TBL1X: variants seen among roughly 807,000 people sequenced by gnomAD.
TBL1X encodes the protein F-box-like/WD repeat-containing protein TBL1X.
Under a neutral mutation model 50.7 loss-of-function variants are expected in TBL1X, and 10 were observed. The ratio of observed to expected loss-of-function variants is 0.20; its 90% CI spans 0.12 to 0.33. The LOEUF (loss-of-function observed/expected upper bound fraction) is 0.33, where lower values mean the gene tolerates loss of function less well. TBL1X is among the 10% of genes least tolerant of loss of function. The pLI is 1.00. For missense variants in TBL1X, 340 were observed against 504.4 expected, an observed-to-expected ratio of 0.67 and a Z score of 3.12; for synonymous variants, 190 against 214.7, an observed-to-expected ratio of 0.88 and a Z score of 1.01.
chrX:9,490,228 C>G (rs1324909162), intron 1 of TBL1X, among the ~76,000 whole-genome samples: 1 of 111,741 alleles, frequency 8.9e-6, no homozygotes, highest in Non-Finnish European at 1.9e-5. Flanking sequence ...ACCTCGGCCT[C>G]CCAAAGTGCA....
intron 14 of TBL1X, 39 bp from the exon 15 acceptor site, chrX:9,709,594 A>T: frequency 8.3e-7 from 1 of 1,202,945 alleles, no homozygotes; most frequent in Non-Finnish European, 1.1e-6. Context: ...CGGATGCAGG[A>T]ATGGCTTTTG....
chrX:9,512,159 G>A (rs756317730), intron 2 of TBL1X, among the ~76,000 whole-genome samples: 1 of 111,617 alleles, frequency 9.0e-6, no homozygotes, highest in Admixed American at 9.5e-5. Context: ...TTGGATTACA[G>A]GCATGAGTCA....
intron 15 of TBL1X, among the ~76,000 whole-genome samples, chrX:9,710,951 G>C (rs755531720): frequency 2.2e-4 from 25 of 112,093 alleles, no homozygotes; most frequent in South Asian, 1.1e-3. Flanking sequence ...TATTAATTTA[G>C]TTGGTAATAA....
chrX:9,644,867 A>G (rs2146591787), intron 3 of TBL1X: 1 of 111,686 alleles, frequency 9.0e-6, no homozygotes, highest in South Asian at 3.8e-4. Flanking sequence ...TATGTTGGCC[A>G]GTCTGGTCTC....
intron 2 of TBL1X, among the ~76,000 whole-genome samples, chrX:9,576,879 A>G (rs2082415421): frequency 9.1e-6 from 1 of 109,451 alleles, no homozygotes; most frequent in Non-Finnish European, 1.9e-5. Context: ...GTGCACCTGT[A>G]GTCTTAGCTA....
intron 5 of TBL1X, 143 bp from the exon 6 acceptor site, chrX:9,683,900 C>A: frequency 1.1e-6 from 1 of 919,222 alleles, no homozygotes; most frequent in Non-Finnish European, 1.6e-6. Flanking sequence ...AAATCAGAAG[C>A]ATCCCTGGGC....
chrX:9,691,764 A>G, intron 8 of TBL1X, 53 bp downstream of exon 8: 1 of 1,189,477 alleles, frequency 8.4e-7, no homozygotes, highest in East Asian at 3.0e-5. Context: ...GGGAGATGCA[A>G]GCTGCTCGCC....
chrX:9,485,097 C>T (rs1160175498), intron 1 of TBL1X, among the ~76,000 whole-genome samples: 3 of 109,762 alleles, frequency 2.7e-5, no homozygotes, highest in Admixed American at 2.0e-4. Context: ...TGCATAAATA[C>T]TCCCCCCAAA....
chrX:9,654,167 G>A (rs1488663356), intron 4 of TBL1X, 48 bp from the exon 5 acceptor site: 5 of 1,038,454 alleles, frequency 4.8e-6, no homozygotes, highest in Non-Finnish European at 5.2e-6. Flanking sequence ...AAAAAAAAAA[G>A]AGAAAAATAC....
At chrX:9,478,469 C>T (rs1357142311) in intron 1 of TBL1X, among the ~76,000 whole-genome samples, 1 of 111,943 alleles carries the variant, frequency 8.9e-6, no homozygotes, top group Non-Finnish European at 1.9e-5. Flanking sequence ...TAAGCTAACC[C>T]ATCCCCCATC....
At chrX:9,632,234 A>C (rs181305019) in intron 2 of TBL1X, among the ~76,000 whole-genome samples, 74 of 111,527 alleles carry the variant, frequency 6.6e-4, no homozygotes, top group South Asian at 3.8e-3. Context: ...TCCTTAACTG[A>C]GAGTTTTACA....
At chrX:9,651,399 A>ACCTTCCATTGTTG (rs1212315324) in intron 3 of TBL1X, among the ~76,000 whole-genome samples, 1 of 111,691 alleles carries the variant, frequency 9.0e-6, no homozygotes, top group Non-Finnish European at 1.9e-5. Context: ...CTTCGTAGCA[A>ACCTTCCATTGTTG]CCAGCCTTCC....
chrX:9,518,883 G>A (rs1361804322), intron 2 of TBL1X, among the ~76,000 whole-genome samples: 3 of 110,744 alleles, frequency 2.7e-5, no homozygotes, highest in Non-Finnish European at 5.7e-5. Context: ...GACGTGTAAG[G>A]CAGGGCCTTA....
rs1198833356 is a variant in TBL1X at position 9,618,020 on chromosome X, A to G, written c.-130-22253A>G. On this transcript the variant is annotated intron_variant, in intron 2 of 17. Transcript: ENST00000645353. ...AGCACCGCCTCCCCCAGTTGTGGCA[A>G]CTGAAAATGTCTCCAGATATTGCCA... 2.7e-5 allele frequency among the ~76,000 whole-genome samples: 3 copies of G among 111,713 alleles called. No individual in the cohort carries two copies. The Admixed American group carries it at 2.8e-4, about 11-fold the overall frequency.
At chrX:9,527,077 G>A (rs1242645756) in intron 2 of TBL1X, among the ~76,000 whole-genome samples, 1 of 112,323 alleles carries the variant, frequency 8.9e-6, no homozygotes, top group Non-Finnish European at 1.9e-5. Context: ...CAGGGGAAAG[G>A]AGGATCGCCG....
intron 2 of TBL1X, among the ~76,000 whole-genome samples, chrX:9,580,084 G>T (rs1443145743): frequency 8.9e-6 from 1 of 112,574 alleles, no homozygotes; most frequent in Non-Finnish European, 1.9e-5. Flanking sequence ...GCCCTCAGGA[G>T]ATCCTGAGTA....
intron 2 of TBL1X, among the ~76,000 whole-genome samples, chrX:9,511,003 G>T (rs1357498891): frequency 8.9e-6 from 1 of 112,171 alleles, no homozygotes; most frequent in African/African-American, 3.2e-5. Context: ...TCTCTGGACA[G>T]CCCTGACTAA....
chrX:9,628,124 G>T (rs1245679057), intron 2 of TBL1X, among the ~76,000 whole-genome samples: 2 of 112,698 alleles, frequency 1.8e-5, no homozygotes, highest in East Asian at 5.5e-4. Flanking sequence ...TTAGAGCAGA[G>T]GCTGCCTGTG....
intron 1 of TBL1X, among the ~76,000 whole-genome samples, chrX:9,474,692 C>G (rs1431611423): frequency 8.9e-6 from 1 of 112,930 alleles, no homozygotes; most frequent in Non-Finnish European, 1.9e-5. Context: ...GCATTGTTTT[C>G]ATAATCACTG....
Sources: gnomAD v4.1 joint callset for allele counts (sites outside exome capture counted in the v4.1 genomes callset) on GRCh38, gnomAD v4.1.1 for gene constraint, MANE v1.5 for transcripts, NCBI Gene and HGNC (gene_info 2026-07-23, HGNC 2026-07-21) for gene names.